Variants in MYPN observed in about 807,000 individuals in gnomAD.
MYPN encodes the protein sarcomeric protein myopalladin, 145 kDa (MYOP).
Under a neutral mutation model 129.4 loss-of-function variants are expected in MYPN, and 63 were observed. The ratio of observed to expected loss-of-function variants is 0.49; its 90% CI spans 0.40 to 0.60. MYPN has a LOEUF of 0.60. Ranked by LOEUF, MYPN falls within the 20% of genes least tolerant of loss-of-function variation. MYPN has a pLI of 0.00. For synonymous variants in MYPN, 629 were observed against 600.9 expected, an observed-to-expected ratio of 1.05 and a Z score of -0.68; for missense variants, 1,596 against 1,635.4, an observed-to-expected ratio of 0.98 and a Z score of 0.42.
chr10:68,160,809 C>G (rs2042963472), intron 7 of MYPN, among the ~76,000 whole-genome samples: 1 of 152,106 alleles, frequency 6.6e-6, no homozygotes, highest in East Asian at 1.9e-4. Flanking sequence ...CCCAGCTACG[C>G]AGGAGCCTGA....
intron 17 of MYPN, among the ~76,000 whole-genome samples, chr10:68,200,528 C>T (rs904514533): frequency 1.3e-5 from 2 of 152,000 alleles, no homozygotes; most frequent in Non-Finnish European, 2.9e-5. Context: ...GAGGCTGAGG[C>T]GGGTGGATCA....
chr10:68,169,520 A>G (rs1215779842), intron 10 of MYPN, among the ~76,000 whole-genome samples: 1 of 152,040 alleles, frequency 6.6e-6, no homozygotes, highest in Non-Finnish European at 1.5e-5. Flanking sequence ...TAAATACTTG[A>G]GGGTTTATTT....
intron 2 of MYPN, chr10:68,135,364 T>C (rs2042470739): frequency 2.5e-6 from 1 of 403,906 alleles, no homozygotes; most frequent in Non-Finnish European, 3.4e-6. Flanking sequence ...ACTAACTCAG[T>C]AGCAGTCAAA....
chr10:68,089,276 C>T (rs1257841601), intron 1 of MYPN, among the ~76,000 whole-genome samples: 2 of 152,138 alleles, frequency 1.3e-5, no homozygotes, highest in East Asian at 1.9e-4. Flanking sequence ...AAGTGATCCA[C>T]CCACTTTGGC....
At chr10:68,169,507 G>T (rs1193049478) in intron 10 of MYPN, among the ~76,000 whole-genome samples, 2 of 152,130 alleles carry the variant, frequency 1.3e-5, no homozygotes, top group African/African-American at 4.8e-5. Flanking sequence ...AACTAACAGG[G>T]TTTAAATACT....
intron 12 of MYPN, among the ~76,000 whole-genome samples, chr10:68,182,208 T>TTA (rs147861615): frequency 0.016 from 1,301 of 82,310 alleles, 25 homozygotes; most frequent in East Asian, 0.061. Flanking sequence ...GTTACTAATG[T>TTA]TATATATATA....
chr10:68,188,777 C>T (rs2043461724), intron 12 of MYPN, 128 bp from the exon 13 acceptor site: 2 of 792,590 alleles, frequency 2.5e-6, no homozygotes, highest in South Asian at 2.9e-5. Context: ...CTGGAACATA[C>T]CTGGTTCATT....
rs71009010 is a variant in MYPN at position 68,157,670 on chromosome 10, C to CAA, written c.1318-795_1318-794dup. Among the ~76,000 whole-genome samples, 74 of 84,868 alleles carry CAA rather than the reference C, an allele frequency of 8.7e-4. 2 individuals are homozygous for CAA. Among genetic ancestry groups the CAA allele is most frequent in the African/African-American group, 3.3e-3 (66 of 20,210 alleles). 55.7% of individuals were successfully genotyped at this position (84,868 alleles called of 152,430 possible). On this transcript the variant is annotated intron_variant, in intron 6 of 19. Coordinates refer to ENST00000358913, the MANE Select transcript of MYPN (RefSeq NM_032578.4). ...GCAACATGGCAAAACCCTGTCTCTA[C>CAA]AAAAAAAAAAAAAAAAAAAAAATTA...
At chr10:68,188,093 A>G (rs1260550646) in intron 12 of MYPN, among the ~76,000 whole-genome samples, 2 of 152,092 alleles carry the variant, frequency 1.3e-5, no homozygotes, top group African/African-American at 4.8e-5. Flanking sequence ...CATGGGGTTA[A>G]GAGAGATTTT....
chr10:68,107,507 A>ATT (rs34774320), upstream of MYPN, among the ~76,000 whole-genome samples: 6 of 143,190 alleles, frequency 4.2e-5, no homozygotes, highest in South Asian at 6.6e-4. Context: ...CGCCCTGCTA[A>ATT]TTTTTTTTTT....
intron 2 of MYPN, chr10:68,135,520 A>T (rs969163950): frequency 3.0e-6 from 3 of 983,712 alleles, no homozygotes; most frequent in Admixed American, 6.2e-5. Context: ...AATGTGAGTA[A>T]GCAAATGTAC....
At chr10:68,115,838 T>TA (rs1283839683) in intron 1 of MYPN, among the ~76,000 whole-genome samples, 1 of 152,214 alleles carries the variant, frequency 6.6e-6, no homozygotes, top group East Asian at 1.9e-4. Context: ...GGGCTTGACT[T>TA]AAACATACAA....
intron 11 of MYPN, 112 bp from the exon 12 acceptor site, chr10:68,175,211 G>A: frequency 1.8e-6 from 2 of 1,132,920 alleles, no homozygotes; most frequent in South Asian, 1.3e-5. Context: ...AATTCCCTAA[G>A]TGCCTAATGA....
chr10:68,195,315 G>T, intron 14 of MYPN, 135 bp from the exon 15 acceptor site: 1 of 734,382 alleles, frequency 1.4e-6, no homozygotes. Flanking sequence ...ATATTTTATT[G>T]TTTTTATTTC....
intron 6 of MYPN, among the ~76,000 whole-genome samples, chr10:68,153,210 TC>T (rs886953339): frequency 6.6e-5 from 10 of 151,708 alleles, no homozygotes; most frequent in African/African-American, 2.4e-4. Context: ...GGTCTGGAAC[TC>T]CGATCTCAGG....
intron 2 of MYPN, among the ~76,000 whole-genome samples, chr10:68,127,126 C>G (rs1274826231): frequency 6.6e-6 from 1 of 151,294 alleles, no homozygotes; most frequent in East Asian, 2.0e-4. Context: ...GCCTCAGCCT[C>G]CCAAGTAACT....
intron 1 of MYPN, among the ~76,000 whole-genome samples, chr10:68,100,271 G>T (rs1248536887): frequency 1.3e-5 from 2 of 152,158 alleles, no homozygotes. Flanking sequence ...GTGAGCTAGG[G>T]TCACTCAGGG....
intron 2 of MYPN, among the ~76,000 whole-genome samples, chr10:68,131,579 T>C (rs1212649753): frequency 2.6e-5 from 4 of 152,202 alleles, no homozygotes; most frequent in Admixed American, 2.6e-4. Flanking sequence ...AGTGGCACAA[T>C]GATAGCTTAC....
chr10:68,140,508 T>A (rs1472758008), intron 2 of MYPN, among the ~76,000 whole-genome samples: 1 of 148,180 alleles, frequency 6.7e-6, no homozygotes, highest in Non-Finnish European at 1.5e-5. Context: ...TAGTATAGGT[T>A]TTTTTTTTTT....
Sources: allele counts gnomAD v4.1 joint callset (sites outside exome capture counted in the v4.1 genomes callset), GRCh38; gene constraint gnomAD v4.1.1; transcripts MANE v1.5; gene names NCBI Gene and HGNC (gene_info 2026-07-23, HGNC 2026-07-21).